The following GPR161 variants were observed in gnomAD, a reference collection of about 807,000 sequenced individuals.
GPR161 encodes the protein G protein-coupled receptor 161, also known as G-protein coupled receptor RE2.
In GPR161, 25 loss-of-function variants were observed where a neutral mutation model predicts 39.2. The ratio of observed to expected loss-of-function variants is 0.64; its 90% confidence interval spans 0.47 to 0.89. The LOEUF (loss-of-function observed/expected upper bound fraction) is 0.89, where lower values mean the gene tolerates loss of function less well. Among genes scored for constraint, GPR161 ranks in the 40% least tolerant of loss-of-function variants. The probability of loss-of-function intolerance (pLI) is 0.00; values close to 1 mark genes in which losing one functional copy is unlikely to be tolerated. For synonymous variants in GPR161, 286 were observed against 276.6 expected, an observed-to-expected ratio of 1.03 and a Z score of -0.34; for missense variants, 547 against 677.8, an observed-to-expected ratio of 0.81 and a Z score of 2.14.
At chr1:168,129,404 T>C (rs1698825580) in intron 1 of GPR161, among the ~76,000 whole-genome samples, 1 of 151,764 alleles carries the variant, frequency 6.6e-6, no homozygotes, top group South Asian at 2.1e-4. Context: ...GGAGAAAGAG[T>C]GTGGACTGGA....
chr1:168,116,776 G>A (rs1485868974), intron 1 of GPR161, among the ~76,000 whole-genome samples: 1 of 152,214 alleles, frequency 6.6e-6, no homozygotes, highest in South Asian at 2.1e-4. Context: ...CGCAGAGTCT[G>A]TTGCAATGCA....
chr1:168,090,781 A>T (rs1282971845), intron 3 of GPR161, 113 bp from the exon 4 acceptor site: 5 of 544,520 alleles, frequency 9.2e-6, no homozygotes, highest in Non-Finnish European at 1.6e-5. Flanking sequence ...TGCAAAACTC[A>T]CTCTCAACTC....
chr1:168,135,738 G>A (rs1267362034), intron 1 of GPR161, among the ~76,000 whole-genome samples: 2 of 152,298 alleles, frequency 1.3e-5, no homozygotes, highest in East Asian at 1.9e-4. Flanking sequence ...CCAGCCCCTA[G>A]GACGCTGAGA....
upstream of GPR161, chr1:168,137,100 C>G: frequency 9.0e-7 from 1 of 1,112,194 alleles, no homozygotes. Flanking sequence ...CCCGCCCTCC[C>G]GGCTGCTTCT....
chr1:168,136,924 G>T lies in GPR161; in HGVS notation c.-230C>A. 35 of 977,916 alleles carry T rather than the reference G, an allele frequency of 3.6e-5. No individual in the cohort carries two copies. The highest frequency in any genetic ancestry group is 4.2e-5 in the Non-Finnish European group (35 of 826,958). The allele number at this position is 977,916 out of a possible 1,614,324, so 60.6% of individuals were successfully genotyped here. A position where few individuals can be genotyped will look rare whatever the true frequency, so the allele number is the denominator to read the frequency against. On this transcript the variant is annotated 5_prime_UTR_variant, in exon 1 of 6. Coordinates refer to ENST00000682931, the MANE Select transcript of GPR161 (RefSeq NM_001375883.1). ...AGCACGCGGACCCGGGCGGGCGCAGGCCAAGTAACTTTGCGGCGCCCGCGC... is the reference window on the plus strand; with the variant it reads ...AGCACGCGGACCCGGGCGGGCGCAGTCCAAGTAACTTTGCGGCGCCCGCGC...
Position 168,084,860 on chromosome 1 carries a change from T to G in GPR161, c.*671A>C. 2.2e-6 allele frequency: 1 copy of G among 456,196 alleles called. No homozygotes were observed. Among genetic ancestry groups the G allele is most frequent in the African/African-American group, 2.0e-5 (1 of 50,164 alleles). The allele number at this position is 456,196 out of a possible 1,614,324, so 28.3% of individuals were successfully genotyped here. A position where few individuals can be genotyped will look rare whatever the true frequency, so the allele number is the denominator to read the frequency against. ...CTCCCTTTTGAAATACCAAAGAACT[T>G]GTCAGTAGGGAAGTAGGCAGGGTGG... On this transcript the variant is annotated 3_prime_UTR_variant, in exon 6 of 6. Transcript: ENST00000682931.
At chr1:168,090,519 A>G (rs1284372462) in intron 4 of GPR161, 45 bp downstream of exon 4, 2 of 1,157,308 alleles carry the variant, frequency 1.7e-6, no homozygotes, top group Admixed American at 1.8e-5. Flanking sequence ...AACGCAACAC[A>G]GGGAAAACGC....
chr1:168,112,035 A>G (rs989109924), intron 1 of GPR161, among the ~76,000 whole-genome samples: 7 of 152,138 alleles, frequency 4.6e-5, no homozygotes, highest in African/African-American at 1.2e-4. Flanking sequence ...CTAAAGTTCT[A>G]TAATATTCAA....
chr1:168,136,475 C>T (rs1699382227), intron 1 of GPR161: 2 of 1,267,806 alleles, frequency 1.6e-6, no homozygotes, highest in Non-Finnish European at 2.0e-6. Flanking sequence ...GTGGGCCTCT[C>T]AGAAGCCCCA....
In GPR161 at chr1:168,080,309, A is replaced by G. The variant is rs1445397421; in HGVS notation, c.*5222T>C. The G allele has an allele frequency of 6.6e-6, 1 of 152,218 alleles. No individual in the cohort carries two copies. The highest frequency in any genetic ancestry group is 1.5e-5 in the Non-Finnish European group (1 of 68,072). The allele number at this position is 152,218 out of a possible 1,614,324, so 9.4% of individuals were successfully genotyped here. On this transcript the variant is annotated 3_prime_UTR_variant, in exon 6 of 6. Coordinates refer to ENST00000682931, the MANE Select transcript of GPR161 (RefSeq NM_001375883.1). Reference sequence around the variant, plus strand: ...AACTATACCTCATCTTCCTTGACCTATAAGACTAGCTCCTTGCTTTTCTCA... The same window carrying G: ...AACTATACCTCATCTTCCTTGACCTGTAAGACTAGCTCCTTGCTTTTCTCA...
intron 1 of GPR161, among the ~76,000 whole-genome samples, chr1:168,107,264 C>T (rs1359416927): frequency 2.0e-5 from 3 of 151,910 alleles, no homozygotes; most frequent in South Asian, 2.1e-4. Flanking sequence ...AAAAAGTGGC[C>T]GTAAGACTAT....
intron 1 of GPR161, chr1:168,136,338 GC>G: frequency 6.8e-7 from 1 of 1,478,726 alleles, no homozygotes; most frequent in Admixed American, 2.2e-5. Flanking sequence ...GAGTCTCTTG[GC>G]CCCAGGGGGC....
chr1:168,106,485 C>T (rs895782164), intron 1 of GPR161, among the ~76,000 whole-genome samples: 3 of 152,140 alleles, frequency 2.0e-5, no homozygotes, highest in South Asian at 2.1e-4. Context: ...AGCTACTTAG[C>T]GGGCTGAGGT....
At chr1:168,133,011 C>T (rs555501281) in intron 1 of GPR161, among the ~76,000 whole-genome samples, 10 of 152,314 alleles carry the variant, frequency 6.6e-5, no homozygotes, top group Middle Eastern at 3.4e-3. Flanking sequence ...TCCCAAAATA[C>T]TGGGATTACA....
rs758977929 is a variant in GPR161, at chr1:168,097,273, G to A, written c.375-41C>T. 48 of 1,568,780 alleles carry A rather than the reference G, an allele frequency of 3.1e-5. No homozygotes were observed. The East Asian group carries it at 4.1e-4, about 13-fold the overall frequency. On this transcript the variant is annotated intron_variant, in intron 2 of 5. Transcript: ENST00000682931. ...AGGGAGGCAAGAGAGAGAAGTCAGC[G>A]GAGAGAGAAAACCGCTGCCTTCCTG... is the stretch of plus-strand genomic sequence containing the variant.
chr1:168,089,077 A>G (rs147592832), intron 4 of GPR161: 9 of 152,310 alleles, frequency 5.9e-5, no homozygotes, highest in Non-Finnish European at 1.2e-4. Context: ...CAATCTTTAT[A>G]TACTTTACAG....
chr1:168,137,170 C>G (rs952656390), upstream of GPR161: 1 of 1,390,444 alleles, frequency 7.2e-7, no homozygotes, highest in Admixed American at 3.1e-5. Flanking sequence ...CTTACCCTCT[C>G]GGCTCGCCCC....
At chr1:168,131,588 A>T (rs999824090) in intron 1 of GPR161, among the ~76,000 whole-genome samples, 1 of 152,182 alleles carries the variant, frequency 6.6e-6, no homozygotes, top group Non-Finnish European at 1.5e-5. Flanking sequence ...GAAATTTAAA[A>T]TATTTTTAAA....
intron 1 of GPR161, among the ~76,000 whole-genome samples, chr1:168,132,581 C>T (rs1572396505): frequency 6.7e-6 from 1 of 149,280 alleles, no homozygotes; most frequent in African/African-American, 2.5e-5. Flanking sequence ...GAGCAAGACT[C>T]CGTCTCAAAA....
Sources: gnomAD v4.1 joint callset for allele counts (sites outside exome capture counted in the v4.1 genomes callset) on GRCh38, gnomAD v4.1.1 for gene constraint, MANE v1.5 for transcripts, NCBI Gene and HGNC (gene_info 2026-07-23, HGNC 2026-07-21) for gene names.